The following DPY19L2 variants were observed in gnomAD, a reference collection of about 807,000 sequenced individuals.
DPY19L2 encodes probable C-mannosyltransferase DPY19L2.
A neutral mutation model predicts 97.9 loss-of-function variants in DPY19L2; 34 were observed. The ratio of observed to expected loss-of-function variants is 0.35; its 90% CI spans 0.26 to 0.46. DPY19L2 has a LOEUF of 0.46. Ranked by LOEUF, DPY19L2 falls within the 20% of genes least tolerant of loss-of-function variation. The pLI, the probability that DPY19L2 is intolerant of heterozygous loss-of-function variation, is 1.00. For synonymous variants in DPY19L2, 230 were observed against 307.9 expected (o/e 0.75, Z 2.65); for missense variants, 623 against 911.4 (o/e 0.68, Z 4.07).
At chr12:63,614,018 C>T (rs914886109) in intron 11 of DPY19L2, among the ~76,000 whole-genome samples, 9 of 151,372 alleles carry the variant, frequency 5.9e-5, no homozygotes, top group Admixed American at 2.6e-4. Context: ...GGTGACACCC[C>T]GTCTCTACTA....
chr12:63,601,334 GTGT>G (rs4044889), intron 12 of DPY19L2, among the ~76,000 whole-genome samples: 2 of 151,348 alleles, frequency 1.3e-5, no homozygotes, highest in South Asian at 2.1e-4. Context: ...TGAGGCTTCT[GTGT>G]TGTTGTTGTT....
intron 12 of DPY19L2, among the ~76,000 whole-genome samples, chr12:63,607,840 C>T (rs1217187470): frequency 6.6e-6 from 1 of 151,580 alleles, no homozygotes; most frequent in African/African-American, 2.4e-5. Flanking sequence ...GCCGTGTTGC[C>T]CAGGCTGGTC....
chr12:63,624,192 C>T (rs1221150469), intron 7 of DPY19L2, 61 bp from the exon 8 acceptor site: 4 of 1,278,254 alleles, frequency 3.1e-6, no homozygotes, highest in Admixed American at 1.8e-5. Context: ...ATTAAAAAAC[C>T]AGGGGTGAGT....
intron 11 of DPY19L2, among the ~76,000 whole-genome samples, chr12:63,609,132 A>G (rs1305328995): frequency 6.6e-6 from 1 of 152,148 alleles, no homozygotes; most frequent in African/African-American, 2.4e-5. Context: ...TGCTAGAAAA[A>G]ATATTATTTT....
intron 11 of DPY19L2, among the ~76,000 whole-genome samples, chr12:63,611,497 G>A (rs1457441632): frequency 1.3e-5 from 2 of 151,658 alleles, no homozygotes; most frequent in Non-Finnish European, 2.9e-5. Flanking sequence ...AGAATTAGCA[G>A]GTGGAAGCAC....
rs769811704 is a variant in DPY19L2, at chr12:63,592,999, CA to C, written c.1580+1087del. 4.6e-5 allele frequency among the ~76,000 whole-genome samples: 7 copies of C among 151,224 alleles called. No homozygotes were observed. In the East Asian group the frequency reaches 9.8e-4, roughly 21 times the overall value. On this transcript the variant is annotated intron_variant, in intron 16 of 21. Coordinates refer to ENST00000324472, the MANE Select transcript of DPY19L2 (RefSeq NM_173812.5). ...GTGAAGGACATGAACAGACACTTCT[CA>C]AAAGAAGACATTTATGCAGCCAAAA...
Position 63,584,039 on chromosome 12 carries a change from T to C in DPY19L2, c.1581-203A>G, listed in dbSNP as rs539580329. 7.6e-4 allele frequency: 385 copies of C among 504,942 alleles called. 4 individuals carry two copies. The highest frequency in any genetic ancestry group is 4.9e-3 in the South Asian group (192 of 39,270). 31.3% of individuals were successfully genotyped at this position (504,942 alleles called of 1,614,324 possible). On this transcript the variant is annotated intron_variant, in intron 16 of 21. Coordinates refer to ENST00000324472, the MANE Select transcript of DPY19L2 (RefSeq NM_173812.5). ...AAGTCATAATTTATAGTCATCCTAT[T>C]CAAGATATGTCAAAAATTTGTTCTT...
chr12:63,668,476 T>C lies in DPY19L2; in HGVS notation c.-83A>G, dbSNP rs1592797363. 2.2e-6 allele frequency: 3 copies of C among 1,366,354 alleles called. No homozygotes were observed. Among genetic ancestry groups the C allele is most frequent in the Non-Finnish European group, 2.9e-6 (3 of 1,030,110 alleles). 84.6% of individuals were successfully genotyped at this position (1,366,354 alleles called of 1,614,324 possible). ...GAGGTCCAGAGAGACCTGACTCGCC[T>C]GGCAGCCTCAACGGACTTGTCCCCG... On this transcript the variant is annotated 5_prime_UTR_variant, in exon 1 of 22. Coordinates refer to ENST00000324472, the MANE Select transcript of DPY19L2 (RefSeq NM_173812.5).
intron 12 of DPY19L2, among the ~76,000 whole-genome samples, chr12:63,601,175 A>G (rs1885131198): frequency 1.3e-5 from 2 of 152,152 alleles, no homozygotes; most frequent in African/African-American, 4.8e-5. Flanking sequence ...ATTATTTCTC[A>G]GCTGAAAATC....
Position 63,600,311 on chromosome 12 carries a change from C to G in DPY19L2, c.1354G>C (p.Asp452His). The G allele has an allele frequency of 6.2e-7, 1 of 1,606,740 alleles. No homozygotes were observed. Among genetic ancestry groups the G allele is most frequent in the Non-Finnish European group, 8.5e-7 (1 of 1,175,392 alleles). The change falls in exon 13 of 22, where the codon GAC becomes CAC. Residue 452 changes from aspartate to histidine, a missense_variant. Asp to His is a moderately conservative substitution (Grantham distance 81). This residue lies in a region of DPY19L2 where 294 missense variants were observed against 446.2 expected (regional missense o/e 0.66). Coordinates refer to ENST00000324472, the MANE Select transcript of DPY19L2 (RefSeq NM_173812.5). ...FLTSKILGVS[D>H]HIRLSDLIAA... is the part of the protein sequence containing the mutation. The stretch of plus-strand genomic sequence containing the variant: ...TTTAACTAAAAAGTACTTACGTGGT[C>G]TGAAACGCCTAAGATTTTAGATGTC...
intron 19 of DPY19L2, among the ~76,000 whole-genome samples, chr12:63,578,120 G>C (rs1182125575): frequency 6.6e-6 from 1 of 152,072 alleles, no homozygotes; most frequent in Admixed American, 6.6e-5. Flanking sequence ...CCATAAAAAC[G>C]AATGAGAACC....
intron 12 of DPY19L2, among the ~76,000 whole-genome samples, chr12:63,604,068 C>T (rs549571629): frequency 0.013 from 2,038 of 152,302 alleles, 22 homozygotes; most frequent in Non-Finnish European, 0.021. Context: ...CACAAATTAT[C>T]TTAATTTTCA....
chr12:63,626,016 G>A (rs1889479232), intron 7 of DPY19L2, among the ~76,000 whole-genome samples: 1 of 149,072 alleles, frequency 6.7e-6, no homozygotes, highest in South Asian at 2.1e-4. Context: ...ATATATATGT[G>A]AGGTTTTAGA....
chr12:63,636,965 A>G (rs746415643), intron 6 of DPY19L2, among the ~76,000 whole-genome samples: 9 of 152,154 alleles, frequency 5.9e-5, no homozygotes, highest in African/African-American at 9.7e-5. Flanking sequence ...TCTCCACCCA[A>G]TATCAACAAA....
intron 19 of DPY19L2, among the ~76,000 whole-genome samples, chr12:63,576,095 A>G (rs566367024): frequency 6.6e-6 from 1 of 152,134 alleles, no homozygotes; most frequent in East Asian, 1.9e-4. Flanking sequence ...ATTATTCATC[A>G]TGACCAAATA....
chr12:63,629,212 T>C (rs1890135035), intron 6 of DPY19L2, among the ~76,000 whole-genome samples: 1 of 152,054 alleles, frequency 6.6e-6, no homozygotes, highest in African/African-American at 2.4e-5. Context: ...CAAAGCTGGA[T>C]GGAGAATGAC....
intron 16 of DPY19L2, among the ~76,000 whole-genome samples, chr12:63,588,408 A>T (rs1882183583): frequency 1.3e-5 from 2 of 152,190 alleles, no homozygotes; most frequent in East Asian, 1.9e-4. Context: ...TGAATATTTT[A>T]AAAGTTTCAG....
chr12:63,603,272 C>G (rs1240038199), intron 12 of DPY19L2, among the ~76,000 whole-genome samples: 1 of 152,140 alleles, frequency 6.6e-6, no homozygotes, highest in Non-Finnish European at 1.5e-5. Context: ...GAAGAATAGT[C>G]TATTATATCT....
intron 4 of DPY19L2, among the ~76,000 whole-genome samples, chr12:63,656,596 A>G (rs886376214): frequency 6.6e-6 from 1 of 152,038 alleles, no homozygotes; most frequent in African/African-American, 2.4e-5. Context: ...ATCTGTCACT[A>G]ATTTTGGAAA....
Sources: gnomAD v4.1 joint callset for allele counts (sites outside exome capture counted in the v4.1 genomes callset) on GRCh38, gnomAD v4.1.1 for gene constraint, gnomAD v4.1.1 regional missense constraint, MANE v1.5 for transcripts, NCBI Gene and HGNC (gene_info 2026-07-23, HGNC 2026-07-21) for gene names.